RBM41: variants seen among roughly 807,000 people sequenced by gnomAD.
RBM41 encodes RNA-binding protein 41.
Under a neutral mutation model 30.8 loss-of-function variants are expected in RBM41, and 14 were observed. The observed-to-expected ratio is 0.45, with a 90% CI of 0.30 to 0.71. The LOEUF (loss-of-function observed/expected upper bound fraction) is 0.71, where lower values mean the gene tolerates loss of function less well. RBM41 is among the 30% of genes least tolerant of loss of function. The pLI is 0.08. For synonymous variants in RBM41, 120 were observed against 110.1 expected (o/e 1.09, Z -0.56); for missense variants, 276 against 326.3 (o/e 0.85, Z 1.19).
At chrX:107,089,426 T>A (rs1443525517) in intron 5 of RBM41, among the ~76,000 whole-genome samples, 1 of 111,930 alleles carries the variant, frequency 8.9e-6, no homozygotes, top group Non-Finnish European at 1.9e-5. Flanking sequence ...TCCCTTCTAT[T>A]TCTTGGCAGA....
Position 107,069,451 on chromosome X carries a change from C to T in RBM41, c.1000-49G>A, listed in dbSNP as rs767597644. Reference sequence around the variant, plus strand: ...AAAATATCATATAAAGGAGGTAAGGCACTCTTTGTTTTTTTCTTTTTGAGA... The same window carrying T: ...AAAATATCATATAAAGGAGGTAAGGTACTCTTTGTTTTTTTCTTTTTGAGA... On this transcript the variant is annotated intron_variant, in intron 6 of 7. Coordinates refer to ENST00000685964, the MANE Select transcript of RBM41 (RefSeq NM_001324242.2). The T allele has an allele frequency of 4.4e-6, 5 of 1,130,890 alleles. No individual in the cohort carries two copies. In the South Asian group the frequency reaches 6.5e-5, roughly 15 times the overall value. 93.2% of individuals were successfully genotyped at this position (1,130,890 alleles called of 1,213,427 possible).
chrX:107,070,240 T>C (rs1413789139), intron 6 of RBM41: 3 of 329,857 alleles, frequency 9.1e-6, no homozygotes, highest in South Asian at 2.6e-5. Flanking sequence ...TTGAGGCTCA[T>C]TGTCAGAAGA....
chrX:107,055,348 G>A, the RBM41 span, among the ~76,000 whole-genome samples: 10 of 110,886 alleles, frequency 9.0e-5, no homozygotes, highest in East Asian at 5.7e-4. Flanking sequence ...TTTTTGAGAC[G>A]GAGTCTTGCT....
At chrX:107,109,237 G>A (rs1389397597) in intron 5 of RBM41, among the ~76,000 whole-genome samples, 1 of 111,205 alleles carries the variant, frequency 9.0e-6, no homozygotes, top group Non-Finnish European at 1.9e-5. Flanking sequence ...CAAAATAGCA[G>A]ATGTAAATCC....
At chrX:107,055,546 T>A in the RBM41 span, among the ~76,000 whole-genome samples, 14 of 112,187 alleles carry the variant, frequency 1.2e-4, no homozygotes, top group Middle Eastern at 4.6e-3. Flanking sequence ...GGATGGTCTC[T>A]ATCTCCTGAC....
At chrX:107,082,790 C>T (rs1036186085) in intron 6 of RBM41, among the ~76,000 whole-genome samples, 1 of 110,555 alleles carries the variant, frequency 9.0e-6, no homozygotes, top group African/African-American at 3.3e-5. Flanking sequence ...GTGCAAATAC[C>T]TTATAACAAA....
At chrX:107,089,566 G>A (rs1463887672) in intron 5 of RBM41, among the ~76,000 whole-genome samples, 5 of 111,989 alleles carry the variant, frequency 4.5e-5, no homozygotes, top group Non-Finnish European at 9.4e-5. Context: ...TGTGGCTAGT[G>A]GATACCATAT....
At chrX:107,085,253 TC>T (rs1286196916) in intron 6 of RBM41, among the ~76,000 whole-genome samples, 1 of 86,014 alleles carries the variant, frequency 1.2e-5, no homozygotes, top group African/African-American at 6.1e-5. Context: ...TTCTTTTTTT[TC>T]TTTTTCTTTT....
chrX:107,109,115 G>A (rs1209094586), intron 5 of RBM41, among the ~76,000 whole-genome samples: 2 of 110,322 alleles, frequency 1.8e-5, no homozygotes, highest in Non-Finnish European at 3.8e-5. Context: ...CAGTAAAAGA[G>A]GCAAGAAGTT....
At chrX:107,113,069 A>G (rs1028751639) in intron 5 of RBM41, among the ~76,000 whole-genome samples, 1 of 111,643 alleles carries the variant, frequency 9.0e-6, no homozygotes, top group Non-Finnish European at 1.9e-5. Context: ...ATTAGCTATC[A>G]TATCATCATC....
chrX:107,103,017 C>T (rs1159873748), intron 5 of RBM41, among the ~76,000 whole-genome samples: 1 of 111,024 alleles, frequency 9.0e-6, no homozygotes, highest in Admixed American at 9.7e-5. Flanking sequence ...TCACCTATAC[C>T]TGATATAGAT....
chrX:107,056,227 T>C, the RBM41 span, among the ~76,000 whole-genome samples: 1 of 112,274 alleles, frequency 8.9e-6, no homozygotes, highest in African/African-American at 3.2e-5. Flanking sequence ...CCCTTGCATT[T>C]CTGGGATAAA....
In RBM41 at chrX:107,065,667, C is replaced by T. The variant is rs1332320183; in HGVS notation, c.*1860G>A. ...TATATTAAACTTATTTCCTATTTCA[C>T]GTTCTCTCCATTTGTTCCTGTGGAT... On this transcript the variant is annotated 3_prime_UTR_variant, in exon 8 of 8. Coordinates refer to ENST00000685964, the MANE Select transcript of RBM41 (RefSeq NM_001324242.2). 4.1e-6 allele frequency: 4 copies of T among 974,048 alleles called. No homozygotes were observed. The highest frequency in any genetic ancestry group is 3.6e-5 in the East Asian group (1 of 27,818). The allele number at this position is 974,048 out of a possible 1,213,427, so 80.3% of individuals were successfully genotyped here.
At chrX:107,074,557 T>G (rs1406466066) in intron 6 of RBM41, among the ~76,000 whole-genome samples, 1 of 111,957 alleles carries the variant, frequency 8.9e-6, no homozygotes, top group Non-Finnish European at 1.9e-5. Context: ...ATTAACAAAT[T>G]CAGTGAAGTT....
intron 6 of RBM41, among the ~76,000 whole-genome samples, chrX:107,086,986 T>C (rs1443371052): frequency 8.9e-6 from 1 of 111,825 alleles, no homozygotes; most frequent in Admixed American, 9.5e-5. Flanking sequence ...CATATAAAAC[T>C]ATATGTTATT....
intron 5 of RBM41, among the ~76,000 whole-genome samples, chrX:107,105,017 G>A (rs1478553667): frequency 9.1e-6 from 1 of 110,006 alleles, no homozygotes; most frequent in Non-Finnish European, 1.9e-5. Flanking sequence ...GTTCTGGCCA[G>A]GGCAATCAGG....
chrX:107,117,072 G>A (rs762728140), intron 1 of RBM41, among the ~76,000 whole-genome samples: 2 of 111,789 alleles, frequency 1.8e-5, no homozygotes, highest in Non-Finnish European at 3.8e-5. Context: ...CCTTGGCAGC[G>A]GGGGGAGGAG....
chrX:107,064,730 CGAG>C lies in RBM41; in HGVS notation c.*2794_*2796del, dbSNP rs957343958. The stretch of plus-strand genomic sequence containing the variant: ...ATTTTGGAGATGTTTCATATGCACT[CGAG>C]AAGAATATGTATTCTGATGTTGGGT... On this transcript the variant is annotated 3_prime_UTR_variant, in exon 8 of 8. Coordinates refer to ENST00000685964, the MANE Select transcript of RBM41 (RefSeq NM_001324242.2). 4 of 111,806 alleles carry C rather than the reference CGAG, an allele frequency of 3.6e-5. No homozygotes were observed. Among genetic ancestry groups the C allele is most frequent in the African/African-American group, 1.3e-4 (4 of 30,771 alleles). 9.2% of individuals were successfully genotyped at this position (111,806 alleles called of 1,213,427 possible). A position where few individuals can be genotyped will look rare whatever the true frequency, so the allele number is the denominator to read the frequency against.
At chrX:107,056,891 T>G (rs747249289), downstream of RBM41, among the ~76,000 whole-genome samples, 1,369 of 89,990 alleles carry the variant, frequency 0.015, 20 homozygotes, top group African/African-American at 0.043. Flanking sequence ...TTTTTTTTTT[T>G]GGGGGGGGCG....
Sources: gnomAD v4.1 joint callset for allele counts (sites outside exome capture counted in the v4.1 genomes callset) on GRCh38, gnomAD v4.1.1 for gene constraint, MANE v1.5 for transcripts, NCBI Gene and HGNC (gene_info 2026-07-23, HGNC 2026-07-21) for gene names.